Variants in CELSR1 observed in about 807,000 individuals in gnomAD.
CELSR1 encodes adhesion G protein-coupled receptor C1.
CELSR1 carries 110 observed loss-of-function variants against 249.1 expected under a neutral mutation model. The observed-to-expected ratio is 0.44, with a 90% CI of 0.38 to 0.52. The LOEUF (loss-of-function observed/expected upper bound fraction) is 0.52. CELSR1 is among the 20% of genes least tolerant of loss of function. The pLI is 0.00. For missense variants in CELSR1, 4,109 were observed against 4,296.4 expected, an observed-to-expected ratio of 0.96 and a Z score of 1.22; for synonymous variants, 2,113 against 1,900.0, an observed-to-expected ratio of 1.11 and a Z score of -2.92.
intron 1 of CELSR1, among the ~76,000 whole-genome samples, chr22:46,509,711 C>T (rs3788724): frequency 6.6e-6 from 1 of 151,832 alleles, no homozygotes; most frequent in East Asian, 1.9e-4. Context: ...AGTGAGGTGG[C>T]GGGGTCTGTG....
At chr22:46,387,573 G>C (rs1372834657) in intron 18 of CELSR1, among the ~76,000 whole-genome samples, 1 of 151,966 alleles carries the variant, frequency 6.6e-6, no homozygotes, top group Non-Finnish European at 1.5e-5. Context: ...TGCCCAGGCT[G>C]GTCTCGAACT....
rs2079208568 is a variant in CELSR1, at chr22:46,401,308, G to A, written c.5227-1406C>T. 1.3e-5 allele frequency among the ~76,000 whole-genome samples: 2 copies of A among 152,178 alleles called. No homozygotes were observed. The highest frequency in any genetic ancestry group is 4.8e-5 in the African/African-American group (2 of 41,426). On this transcript the variant is annotated intron_variant, in intron 9 of 34. Coordinates refer to ENST00000674500, the MANE Select transcript of CELSR1 (RefSeq NM_001378328.1). This position sits in a 1 kb window ranked among gnomAD's most constrained non-coding sequence, Gnocchi z 4.7. ...AGCGTGAAAATCTTAGATCTCCTAA[G>A]AAAGGACTTGGCAATTTGGACCACC...
chr22:46,435,244 G>T (rs1468173884), intron 4 of CELSR1, among the ~76,000 whole-genome samples: 1 of 129,848 alleles, frequency 7.7e-6, no homozygotes, highest in African/African-American at 3.0e-5. Context: ...GAGCCACCTT[G>T]CCTGGCCAGC....
intron 1 of CELSR1, among the ~76,000 whole-genome samples, chr22:46,480,878 C>T (rs1366838301): frequency 3.3e-5 from 5 of 152,236 alleles, no homozygotes; most frequent in Non-Finnish European, 7.3e-5. Flanking sequence ...TGTCCAGAGG[C>T]AAGTGACATA....
chr22:46,371,638 TCCATCCATCCAC>T (rs2078852267), intron 25 of CELSR1, among the ~76,000 whole-genome samples: 1 of 149,444 alleles, frequency 6.7e-6, no homozygotes, highest in Non-Finnish European at 1.5e-5. Context: ...ACCCATTTCA[TCCATCCATCCAC>T]CCACTCATCT....
rs552640770 is a variant in CELSR1, at chr22:46,408,310, C to A, written c.5226+686G>T. ...ATCTCAAGCTCCCAGAGAAAGTGGACGTGCATTGGTGCCAACCACCACCTG... is the reference window on the plus strand; with the variant it reads ...ATCTCAAGCTCCCAGAGAAAGTGGAAGTGCATTGGTGCCAACCACCACCTG... On this transcript the variant is annotated intron_variant, in intron 9 of 34. Transcript: ENST00000674500. This position sits in a 1 kb window ranked among gnomAD's most constrained non-coding sequence, Gnocchi z 4.6. 6.6e-6 allele frequency among the ~76,000 whole-genome samples: 1 copy of A among 152,176 alleles called. No individual in the cohort carries two copies. Among genetic ancestry groups the A allele is most frequent in the Non-Finnish European group, 1.5e-5 (1 of 68,022 alleles).
chr22:46,506,638 T>C lies in CELSR1; in HGVS notation c.3544+26989A>G, dbSNP rs1030989142. On this transcript the variant is annotated intron_variant, in intron 1 of 34. Coordinates refer to ENST00000674500, the MANE Select transcript of CELSR1 (RefSeq NM_001378328.1). This position sits in a 1 kb window ranked among gnomAD's most constrained non-coding sequence, Gnocchi z 4.1. Reference sequence around the variant, plus strand: ...TGATGTTTCTAGGACTTTCAACATCTACATTCTAGATCAGTTTTCAGGGCA... The same window carrying C: ...TGATGTTTCTAGGACTTTCAACATCCACATTCTAGATCAGTTTTCAGGGCA... 6.6e-6 allele frequency among the ~76,000 whole-genome samples: 1 copy of C among 152,150 alleles called. No individual in the cohort carries two copies. Among genetic ancestry groups the C allele is most frequent in the Non-Finnish European group, 1.5e-5 (1 of 68,030 alleles).
intron 5 of CELSR1, among the ~76,000 whole-genome samples, chr22:46,425,402 C>T (rs945714300): frequency 1.3e-5 from 2 of 152,142 alleles, no homozygotes; most frequent in African/African-American, 2.4e-5. Context: ...CTTGTGAAGC[C>T]ATCTGGGCCC....
rs992349324 is a variant in CELSR1 at position 46,446,289 on chromosome 22, C to T, written c.4184-6878G>A. Among the ~76,000 whole-genome samples, 2 of 152,168 alleles carry T rather than the reference C, an allele frequency of 1.3e-5. No individual in the cohort carries two copies. The highest frequency in any genetic ancestry group is 4.8e-5 in the African/African-American group (2 of 41,434). The stretch of plus-strand genomic sequence containing the variant: ...GGCTTTCCAGTGCCTGGAGGCCACC[C>T]GCATCCCCTGGCTGTACCTGTCCTC... On this transcript the variant is annotated intron_variant, in intron 2 of 34. Coordinates refer to ENST00000674500, the MANE Select transcript of CELSR1 (RefSeq NM_001378328.1). The surrounding 1 kb of genome is among the most constrained non-coding windows in gnomAD (Gnocchi z 5.5).
At chr22:46,368,953 C>G (rs561133608) in intron 27 of CELSR1, among the ~76,000 whole-genome samples, 8 of 151,594 alleles carry the variant, frequency 5.3e-5, no homozygotes, top group African/African-American at 1.9e-4. Context: ...CCAGCCCCCT[C>G]CCTTCAGCTA....
chr22:46,411,655 C>G lies in CELSR1; in HGVS notation c.4716G>C (p.Lys1572Asn). The G allele has an allele frequency of 6.2e-7, 1 of 1,614,248 alleles. No individual in the cohort carries two copies. Among genetic ancestry groups the G allele is most frequent in the Non-Finnish European group, 8.5e-7 (1 of 1,180,052 alleles). The change falls in exon 6 of 35, where the codon AAG (lysine) becomes AAC (asparagine). Residue 1572 changes from lysine to asparagine, a missense_variant. By Grantham distance (94) the Lys-to-Asn change is moderately conservative (BLOSUM62 0). Coordinates refer to ENST00000674500, the MANE Select transcript of CELSR1 (RefSeq NM_001378328.1). The surrounding 1 kb of genome is among the most constrained non-coding windows in gnomAD (Gnocchi z 4.2). ...CDTTMAVRFG[K>N]DIGNYSCAAQ... is the part of the protein sequence containing the mutation. ...CAGCGCAGCTGTAGTTCCCGATGTC[C>G]TTTCCAAAGCGCACAGCCATGGTTG...
At chr22:46,365,149 G>T (rs2078753385) in intron 32 of CELSR1, 82 bp downstream of exon 32, 1 of 1,508,236 alleles carries the variant, frequency 6.6e-7, no homozygotes, top group Non-Finnish European at 8.9e-7. Context: ...ATCCTGGGAG[G>T]AAGGGACCCA....
intron 2 of CELSR1, among the ~76,000 whole-genome samples, chr22:46,443,864 A>C (rs2079785437): frequency 6.6e-6 from 1 of 152,208 alleles, no homozygotes; most frequent in African/African-American, 2.4e-5. Context: ...GACACTTCAA[A>C]TTATCTTGCT....
Position 46,536,265 on chromosome 22 carries a change from C to T in CELSR1, c.906G>A (p.Thr302=), listed in dbSNP as rs562135500. ...GTACGCTGTCCGTGCTCACGGCGCC[C>T]GTGGCAGAGTCGATTCGGAAGTAGC... is the stretch of plus-strand genomic sequence containing the variant. ...SRGYFRIDSA[T]GAVSTDSVLD... The change falls in exon 1 of 35, where the codon ACG becomes ACA. Residue 302 remains threonine, a synonymous_variant. Coordinates refer to ENST00000674500, the MANE Select transcript of CELSR1 (RefSeq NM_001378328.1). The T allele has an allele frequency of 3.5e-5, 56 of 1,612,394 alleles. 1 individual carries two copies. In the East Asian group the frequency reaches 3.6e-4, roughly 10 times the overall value.
intron 1 of CELSR1, among the ~76,000 whole-genome samples, chr22:46,521,374 G>C (rs927770204): frequency 1.3e-5 from 2 of 151,968 alleles, no homozygotes; most frequent in South Asian, 4.1e-4. Context: ...GCATGGTGGC[G>C]GGCACCTGTA....
intron 1 of CELSR1, among the ~76,000 whole-genome samples, chr22:46,480,177 T>C (rs944305182): frequency 6.6e-6 from 1 of 152,242 alleles, no homozygotes; most frequent in African/African-American, 2.4e-5. Context: ...GTCGTTTTGC[T>C]ACACACAGCC....
At chr22:46,415,226 T>C (rs2079386019) in intron 5 of CELSR1, among the ~76,000 whole-genome samples, 1 of 152,176 alleles carries the variant, frequency 6.6e-6, no homozygotes, top group Admixed American at 6.5e-5. Context: ...CTCGGCTCAC[T>C]GCAACCTCCG....
At position 46,512,614 on chromosome 22, in the gene CELSR1, G is replaced by A. The variant is rs1445447123; in HGVS notation, c.3544+21013C>T. ...AAGGCCCAATACTATGCATTGCCTT[G>A]ACATCTGCTGAAGCCAGGAGGCCTC... On this transcript the variant is annotated intron_variant, in intron 1 of 34. Coordinates refer to ENST00000674500, the MANE Select transcript of CELSR1 (RefSeq NM_001378328.1). The surrounding 1 kb of genome is among the most constrained non-coding windows in gnomAD (Gnocchi z 5.2). Among the ~76,000 whole-genome samples, 1 of 152,120 alleles carries A rather than the reference G, an allele frequency of 6.6e-6. No homozygotes were observed. The highest frequency in any genetic ancestry group is 2.4e-5 in the African/African-American group (1 of 41,422).
At chr22:46,524,910 G>A (rs1048893327) in intron 1 of CELSR1, among the ~76,000 whole-genome samples, 1 of 152,096 alleles carries the variant, frequency 6.6e-6, no homozygotes, top group Admixed American at 6.6e-5. Flanking sequence ...AAAGGCACTG[G>A]GCCCTCCACC....
Sources: gnomAD v4.1 joint callset for allele counts (sites outside exome capture counted in the v4.1 genomes callset) on GRCh38, gnomAD v4.1.1 for gene constraint, Gnocchi (gnomAD v3.1) non-coding constraint, MANE v1.5 for transcripts, NCBI Gene and HGNC (gene_info 2026-07-23, HGNC 2026-07-21) for gene names.